The following TSC22D2 variants were observed in gnomAD, a reference collection of about 807,000 sequenced individuals.
TSC22D2 encodes TSC22 domain family protein 2.
A neutral mutation model predicts 50.1 loss-of-function variants in TSC22D2; 5 were observed. The observed-to-expected ratio is 0.10, with a 90% CI of 0.05 to 0.21. TSC22D2 has a LOEUF of 0.21. Among genes scored for constraint, TSC22D2 ranks in the 10% least tolerant of loss-of-function variants. The pLI is 1.00. For missense variants in TSC22D2, 1,003 were observed against 1,015.5 expected, an observed-to-expected ratio of 0.99 and a Z score of 0.17; for synonymous variants, 501 against 450.1, an observed-to-expected ratio of 1.11 and a Z score of -1.43.
rs3220532 is a variant in TSC22D2, at chr3:150,466,191, T to TCACA, written c.*7588_*7591dup. The TCACA allele has an allele frequency of 0.035, 5,115 of 146,086 alleles. 229 individuals carry two copies. Among genetic ancestry groups the TCACA allele is most frequent in the African/African-American group, 0.11 (4,232 of 39,512 alleles). 9.0% of individuals were successfully genotyped at this position (146,086 alleles called of 1,614,324 possible). A position where few individuals can be genotyped will look rare whatever the true frequency, so the allele number is the denominator to read the frequency against. Reference sequence around the variant, plus strand: ...ATGATACTAGTGATGTTAAATCACATCACACACACACACACACACACACAC... The same window carrying TCACA: ...ATGATACTAGTGATGTTAAATCACATCACACACACACACACACACACACACACAC... On this transcript the variant is annotated 3_prime_UTR_variant, in exon 3 of 3. Transcript: ENST00000688009.
rs781590505 is a variant in TSC22D2, at chr3:150,409,691, C to G, written c.341C>G (p.Ser114Cys). 1.9e-6 allele frequency: 3 copies of G among 1,588,226 alleles called. No homozygotes were observed. Among genetic ancestry groups the G allele is most frequent in the Admixed American group, 3.5e-5 (2 of 57,190 alleles). Reference sequence around the variant, plus strand: ...GGAGTCGTTTCGGCCCGGAGCGTGTCTGGGGCGCTCGCCAGTACCCTGGCG... The same window carrying G: ...GGAGTCGTTTCGGCCCGGAGCGTGTGTGGGGCGCTCGCCAGTACCCTGGCG... ...GGGVVSARSV[S>C]GALASTLAAA... Residue 114 changes from serine (S) to cysteine (C), a missense_variant, in exon 1 of 3, where the codon TCT (serine) becomes TGT (cysteine). This residue lies in a region of TSC22D2 where 200 missense variants were observed against 182.8 expected (regional missense o/e 1.09). Transcript: ENST00000688009. The surrounding 1 kb of genome is among the most constrained non-coding windows in gnomAD (Gnocchi z 7.4).
At chr3:150,455,737 T>G (rs1356097221) in intron 1 of TSC22D2, among the ~76,000 whole-genome samples, 1 of 152,184 alleles carries the variant, frequency 6.6e-6, no homozygotes, top group Non-Finnish European at 1.5e-5. Context: ...TAAAGTAGTT[T>G]CCAGGTATTT....
At chr3:150,452,240 G>A (rs974889277) in intron 1 of TSC22D2, among the ~76,000 whole-genome samples, 1 of 152,122 alleles carries the variant, frequency 6.6e-6, no homozygotes, top group African/African-American at 2.4e-5. Flanking sequence ...GAGGTCGGGA[G>A]TTCGAGACCA....
chr3:150,431,732 A>G (rs2108079588), intron 1 of TSC22D2, among the ~76,000 whole-genome samples: 1 of 152,308 alleles, frequency 6.6e-6, no homozygotes, highest in East Asian at 1.9e-4. Flanking sequence ...GTGAAGTTTT[A>G]TAAGGGGAGG....
At chr3:150,438,162 T>G (rs2108086642) in intron 1 of TSC22D2, 1 of 349,712 alleles carries the variant, frequency 2.9e-6, no homozygotes, top group South Asian at 2.3e-5. Context: ...AAAGGCTATT[T>G]GATTAAAACA....
At chr3:150,456,871 A>G (rs41267883) in intron 1 of TSC22D2, 60,369 of 542,678 alleles carry the variant, frequency 0.11, 4,505 homozygotes, top group South Asian at 0.28. Flanking sequence ...TGGCACTACA[A>G]AGGACCTGTA....
Position 150,411,134 on chromosome 3 carries a change from G to C in TSC22D2, c.1784G>C (p.Arg595Thr). The C allele has an allele frequency of 6.2e-7, 1 of 1,614,100 alleles. No individual in the cohort carries two copies. Among genetic ancestry groups the C allele is most frequent in the Non-Finnish European group, 8.5e-7 (1 of 1,180,028 alleles). The change falls in exon 1 of 3, where the codon AGA (arginine) becomes ACA (threonine). Residue 595 changes from arginine to threonine, a missense_variant. This residue lies in a region of TSC22D2 where 696 missense variants were observed against 647.8 expected (regional missense o/e 1.07). Transcript: ENST00000688009. ...QPLVGQVDDT[R>T]RKSEPLPQPP... ...TTAGTCGGGCAAGTCGACGATACTA[G>C]AAGAAAATCAGAACCCCTACCTCAA...
At chr3:150,431,224 C>CAAAAAAAAAAAAAAAAAAA (rs71138443) in intron 1 of TSC22D2, among the ~76,000 whole-genome samples, 1 of 27,970 alleles carries the variant, frequency 3.6e-5, no homozygotes, top group African/African-American at 1.6e-4. Flanking sequence ...GGCTCTGTCT[C>CAAAAAAAAAAAAAAAAAAA]AAAAAAAAAA....
chr3:150,410,619 C>G lies in TSC22D2; in HGVS notation c.1269C>G (p.Gly423=), dbSNP rs951704613. 1 of 1,555,640 alleles carries G rather than the reference C, an allele frequency of 6.4e-7. No individual in the cohort carries two copies. Among genetic ancestry groups the G allele is most frequent in the Non-Finnish European group, 8.7e-7 (1 of 1,152,442 alleles). Residue 423 remains glycine (G), a synonymous_variant, in exon 1 of 3, where the codon GGC becomes GGG. Transcript: ENST00000688009. ...CCGGCCAGAATGCTTCCTCGGTGGG[C>G]GCGCAGCTCATGGGCGCGTCTTCCC... is the stretch of plus-strand genomic sequence containing the variant. ...VGTGQNASSV[G]AQLMGASSQP... is the part of the protein sequence containing the mutation.
At chr3:150,456,987 A>G in intron 1 of TSC22D2, 89 bp from the exon 2 acceptor site, 1 of 1,176,160 alleles carries the variant, frequency 8.5e-7, no homozygotes, top group Non-Finnish European at 1.2e-6. Context: ...TTTGGTTTTA[A>G]GTGAAACACA....
intron 1 of TSC22D2, among the ~76,000 whole-genome samples, chr3:150,447,613 A>G (rs1045466592): frequency 1.3e-5 from 2 of 151,496 alleles, no homozygotes; most frequent in African/African-American, 4.9e-5. Context: ...CCCCCACCAA[A>G]TCTAGCCACC....
At chr3:150,434,369 T>G (rs764073302) in intron 1 of TSC22D2, among the ~76,000 whole-genome samples, 1 of 152,118 alleles carries the variant, frequency 6.6e-6, no homozygotes, top group Non-Finnish European at 1.5e-5. Context: ...CTCAAACTCC[T>G]GGCTTCAAGT....
chr3:150,419,631 C>A (rs1719939394), intron 1 of TSC22D2, among the ~76,000 whole-genome samples: 1 of 152,088 alleles, frequency 6.6e-6, no homozygotes, highest in Non-Finnish European at 1.5e-5. Flanking sequence ...TTGTTTTTTT[C>A]TCCCTGTTGT....
rs1389430814 is a variant in TSC22D2 at position 150,461,173 on chromosome 3, GA to G, written c.*2539del. ...TAAGCTTTCCAGTGTAACGACAGGA[GA>G]AGATACTCAACTCATGGTCCATTGT... On this transcript the variant is annotated 3_prime_UTR_variant, in exon 3 of 3. Coordinates refer to ENST00000688009, the MANE Select transcript of TSC22D2 (RefSeq NM_001303264.2). 1 of 152,162 alleles carries G rather than the reference GA, an allele frequency of 6.6e-6. No individual in the cohort carries two copies. The highest frequency in any genetic ancestry group is 1.5e-5 in the Non-Finnish European group (1 of 68,048). The allele number at this position is 152,162 out of a possible 1,614,324, so 9.4% of individuals were successfully genotyped here. A position where few individuals can be genotyped will look rare whatever the true frequency, so the allele number is the denominator to read the frequency against.
intron 1 of TSC22D2, among the ~76,000 whole-genome samples, chr3:150,428,610 C>A (rs369295486): frequency 9.8e-5 from 10 of 101,626 alleles, no homozygotes; most frequent in African/African-American, 1.3e-4. Flanking sequence ...AAAAAAAAAA[C>A]ATACTTAGAT....
At chr3:150,449,476 T>G (rs2108098949) in intron 1 of TSC22D2, among the ~76,000 whole-genome samples, 1 of 152,312 alleles carries the variant, frequency 6.6e-6, no homozygotes, top group African/African-American at 2.4e-5. Context: ...ATTATCTTCT[T>G]TAATGTAAAT....
chr3:150,415,584 G>A (rs1368637412), intron 1 of TSC22D2, among the ~76,000 whole-genome samples: 1 of 152,246 alleles, frequency 6.6e-6, no homozygotes, highest in African/African-American at 2.4e-5. Context: ...AGAGACCAAG[G>A]TCAGAGGATT....
chr3:150,430,259 T>C (rs367741899), intron 1 of TSC22D2, among the ~76,000 whole-genome samples: 12 of 152,250 alleles, frequency 7.9e-5, no homozygotes, highest in East Asian at 1.9e-4. Context: ...AGAGGAAATA[T>C]TGTGCACCAC....
chr3:150,458,866 GT>G lies in TSC22D2; in HGVS notation c.*233del. 2.1e-6 allele frequency: 1 copy of G among 483,306 alleles called. No individual in the cohort carries two copies. The allele number at this position is 483,306 out of a possible 1,614,324, so 29.9% of individuals were successfully genotyped here. A position where few individuals can be genotyped will look rare whatever the true frequency, so the allele number is the denominator to read the frequency against. On this transcript the variant is annotated 3_prime_UTR_variant, in exon 3 of 3. Coordinates refer to ENST00000688009, the MANE Select transcript of TSC22D2 (RefSeq NM_001303264.2). ...GTACACAAGGAGAATAATAGATGGG[GT>G]TTATTAAAGCGAGCAAAGTCTGCAT...
Sources: gnomAD v4.1 joint callset for allele counts (sites outside exome capture counted in the v4.1 genomes callset) on GRCh38, gnomAD v4.1.1 for gene constraint, gnomAD v4.1.1 regional missense constraint, Gnocchi (gnomAD v3.1) non-coding constraint, MANE v1.5 for transcripts, NCBI Gene and HGNC (gene_info 2026-07-23, HGNC 2026-07-21) for gene names.